PPIL4: variants seen among roughly 807,000 people sequenced by gnomAD.
PPIL4 encodes peptidyl-prolyl cis-trans isomerase-like 4.
PPIL4 carries 50 observed loss-of-function variants against 69.1 expected under a neutral mutation model. That is an observed-to-expected ratio of 0.72 (90% CI 0.58 to 0.92). The LOEUF is 0.92. PPIL4 is among the 40% of genes least tolerant of loss of function. The pLI is 0.00. For synonymous variants in PPIL4, 193 were observed against 191.6 expected (o/e 1.01, Z -0.06); for missense variants, 480 against 587.9 (o/e 0.82, Z 1.90).
At chr6:149,529,289 T>C (rs1583209440) in intron 7 of PPIL4, among the ~76,000 whole-genome samples, 1 of 150,360 alleles carries the variant, frequency 6.7e-6, no homozygotes, top group Non-Finnish European at 1.5e-5. Context: ...AGTGAGACTC[T>C]GTCTCTACAA....
At chr6:149,507,839 A>AT (rs1318907387) in intron 12 of PPIL4, among the ~76,000 whole-genome samples, 1 of 152,216 alleles carries the variant, frequency 6.6e-6, no homozygotes, top group Non-Finnish European at 1.5e-5. Context: ...GATGTGTCAA[A>AT]CAAGTACTCT....
intron 1 of PPIL4, among the ~76,000 whole-genome samples, chr6:149,544,881 CTTT>C (rs1210031973): frequency 1.3e-5 from 2 of 152,172 alleles, no homozygotes; most frequent in East Asian, 3.8e-4. Context: ...ATTTCACCTT[CTTT>C]GATAGGCTCT....
chr6:149,535,610 T>TG lies in PPIL4; in HGVS notation c.449dup (p.Tyr151IlefsTer14). Reference sequence around the variant, plus strand: ...TGTAACCATACCTGATATCCTGATATGGTACAAAGTCCTTGTCAACAAAGG... The same window carrying TG: ...TGTAACCATACCTGATATCCTGATATGGGTACAAAGTCCTTGTCAACAAAGG... On this transcript the variant is annotated frameshift_variant, in exon 5 of 13. Transcript: ENST00000253329. LOFTEE classifies it high-confidence loss of function. 8 of 1,610,874 alleles carry TG rather than the reference T, an allele frequency of 5.0e-6. No individual in the cohort carries two copies. The highest frequency in any genetic ancestry group is 5.9e-6 in the Non-Finnish European group (7 of 1,178,526).
At chr6:149,523,484 A>G (rs1467672858) in intron 9 of PPIL4, among the ~76,000 whole-genome samples, 1 of 152,200 alleles carries the variant, frequency 6.6e-6, no homozygotes, top group Non-Finnish European at 1.5e-5. Flanking sequence ...TAAGGTCAAG[A>G]GTTCAAGACC....
intron 7 of PPIL4, among the ~76,000 whole-genome samples, chr6:149,529,793 GAAAGAA>G (rs1482650661): frequency 4.9e-5 from 7 of 142,862 alleles, no homozygotes; most frequent in African/African-American, 1.6e-4. Flanking sequence ...GGAAAGAAAA[GAAAGAA>G]AAAGAAAAAG....
At chr6:149,525,037 A>C (rs1046196187) in intron 9 of PPIL4, 106 bp downstream of exon 9, 9 of 563,044 alleles carry the variant, frequency 1.6e-5, no homozygotes, top group Admixed American at 3.5e-5. Flanking sequence ...GGGAGTGCCA[A>C]AAGAAAGGGC....
intron 1 of PPIL4, among the ~76,000 whole-genome samples, 189 bp from the exon 2 acceptor site, chr6:149,541,775 G>A (rs987476566): frequency 2.6e-5 from 4 of 152,106 alleles, no homozygotes; most frequent in South Asian, 2.1e-4. Context: ...TTTGGGAGGC[G>A]GAGGTGAGTG....
intron 12 of PPIL4, among the ~76,000 whole-genome samples, chr6:149,508,751 C>A (rs1236947774): frequency 1.3e-5 from 2 of 152,116 alleles, no homozygotes; most frequent in Non-Finnish European, 1.5e-5. Context: ...CAAACCTCAA[C>A]AACACAAAAA....
At chr6:149,541,794 G>T (rs911803699) in intron 1 of PPIL4, among the ~76,000 whole-genome samples, 9 of 152,182 alleles carry the variant, frequency 5.9e-5, no homozygotes, top group African/African-American at 2.2e-4. Context: ...TGGATCACTT[G>T]AAGTCAGGAG....
At chr6:149,517,947 G>A (rs1416048625) in intron 10 of PPIL4, 9 of 152,998 alleles carry the variant, frequency 5.9e-5, no homozygotes, top group East Asian at 1.9e-4. Flanking sequence ...AGCCGAGATC[G>A]TGCCACTGCA....
chr6:149,525,327 T>C (rs1777091243), intron 8 of PPIL4, 118 bp from the exon 9 acceptor site: 4 of 547,164 alleles, frequency 7.3e-6, no homozygotes, highest in South Asian at 2.7e-5. Context: ...GTTAAATTCA[T>C]AGATTATTTT....
At chr6:149,522,439 G>A (rs1777042358) in intron 9 of PPIL4, among the ~76,000 whole-genome samples, 1 of 152,006 alleles carries the variant, frequency 6.6e-6, no homozygotes, top group African/African-American at 2.4e-5. Context: ...ATGTAACAGT[G>A]GTATATGAAT....
chr6:149,512,275 C>T lies in PPIL4; in HGVS notation c.1107G>A (p.Glu369=), dbSNP rs1776857467. The change falls in exon 12 of 13, where the codon GAG becomes GAA. Residue 369 remains glutamate, a synonymous_variant. Transcript: ENST00000253329. ...QDTKYDLILD[E]QAEDSKSSHS... ...GACTTGATTTTGAGTCTTCGGCCTG[C>T]TCATCTAATATAAGATCGTATTTTG... 1 of 1,612,602 alleles carries T rather than the reference C, an allele frequency of 6.2e-7. No homozygotes were observed.
At chr6:149,522,863 G>A (rs947558327) in intron 9 of PPIL4, among the ~76,000 whole-genome samples, 10 of 152,166 alleles carry the variant, frequency 6.6e-5, no homozygotes, top group Admixed American at 1.3e-4. Flanking sequence ...CACCCACCTC[G>A]GCCTCCCAAA....
At chr6:149,526,397 A>G (rs1583208513) in intron 8 of PPIL4, among the ~76,000 whole-genome samples, 1 of 152,158 alleles carries the variant, frequency 6.6e-6, no homozygotes, top group East Asian at 1.9e-4. Flanking sequence ...TGTTCCATTC[A>G]TTTCCTGTTT....
At position 149,512,163 on chromosome 6, in the gene PPIL4, T is replaced by C; in HGVS notation, c.1219A>G (p.Thr407Ala). Residue 407 changes from threonine (T) to alanine (A), a missense_variant, in exon 12 of 13, where the codon ACT (threonine) becomes GCT (alanine). Physicochemically the swap from Thr to Ala is moderately conservative, Grantham distance 58 (BLOSUM62 0). Coordinates refer to ENST00000253329, the MANE Select transcript of PPIL4 (RefSeq NM_139126.4). Reference sequence around the variant, plus strand: ...CTGGACATTAGAGGTACCTGATTAGTATTTTTGATTGGCATGTAGTCCTCA... The same window carrying C: ...CTGGACATTAGAGGTACCTGATTAGCATTTTTGATTGGCATGTAGTCCTCA... Reference protein sequence around the residue: ...EDEDYMPIKNTNQDIYREMGF... With the variant: ...EDEDYMPIKNANQDIYREMGF... 1 of 1,606,306 alleles carries C rather than the reference T, an allele frequency of 6.2e-7. No individual in the cohort carries two copies. The highest frequency in any genetic ancestry group is 8.5e-7 in the Non-Finnish European group (1 of 1,177,038).
intron 4 of PPIL4, among the ~76,000 whole-genome samples, chr6:149,539,237 T>C (rs1399440515): frequency 1.3e-5 from 2 of 152,200 alleles, no homozygotes; most frequent in Non-Finnish European, 2.9e-5. Context: ...GTACATAAAC[T>C]TGGCTGATAC....
intron 7 of PPIL4, among the ~76,000 whole-genome samples, chr6:149,527,570 G>A (rs1181500420): frequency 1.3e-5 from 2 of 152,188 alleles, no homozygotes; most frequent in Non-Finnish European, 2.9e-5. Flanking sequence ...AAGTCATAAA[G>A]CATAAAAATA....
chr6:149,522,459 G>T (rs773947056), intron 9 of PPIL4, among the ~76,000 whole-genome samples: 5 of 152,154 alleles, frequency 3.3e-5, no homozygotes, highest in Non-Finnish European at 7.4e-5. Flanking sequence ...TAGACAAATA[G>T]ATCAGTGCAA....
Sources: allele counts gnomAD v4.1 joint callset (sites outside exome capture counted in the v4.1 genomes callset), GRCh38; gene constraint gnomAD v4.1.1; transcripts MANE v1.5; gene names NCBI Gene and HGNC (gene_info 2026-07-23, HGNC 2026-07-21).